The following SNCAIP variants were observed in gnomAD, a reference collection of about 807,000 sequenced individuals.
The protein encoded by SNCAIP is synuclein alpha interacting protein.
SNCAIP carries 43 observed loss-of-function variants against 86.7 expected under a neutral mutation model. The ratio of observed to expected loss-of-function variants is 0.50; its 90% CI spans 0.39 to 0.64. The LOEUF is 0.64. Among genes scored for constraint, SNCAIP ranks in the 30% least tolerant of loss-of-function variants. The probability of loss-of-function intolerance (pLI) is 0.00; values close to 1 mark genes in which losing one functional copy is unlikely to be tolerated. For synonymous variants in SNCAIP, 417 were observed against 427.2 expected (o/e 0.98, Z 0.29); for missense variants, 981 against 1,103.1 (o/e 0.89, Z 1.57).
chr5:122,442,451 A>T (rs1781251078), intron 7 of SNCAIP, among the ~76,000 whole-genome samples: 2 of 152,212 alleles, frequency 1.3e-5, no homozygotes, highest in Non-Finnish European at 2.9e-5. Flanking sequence ...CGGAGAGCTG[A>T]AAGTTTTTCT....
chr5:122,313,949 T>C (rs931120651), intron 1 of SNCAIP, among the ~76,000 whole-genome samples: 1 of 152,234 alleles, frequency 6.6e-6, no homozygotes, highest in Non-Finnish European at 1.5e-5. Context: ...GGGTATAATT[T>C]TGAATGTAAA....
chr5:122,311,990 G>A (rs1214396523), upstream of SNCAIP: 1 of 147,992 alleles, frequency 6.8e-6, no homozygotes, highest in Non-Finnish European at 1.5e-5. Flanking sequence ...AGCCTCCGCA[G>A]TGGCAGTGGT....
intron 1 of SNCAIP, among the ~76,000 whole-genome samples, chr5:122,350,252 A>G (rs1759484069): frequency 6.6e-6 from 1 of 152,196 alleles, no homozygotes; most frequent in East Asian, 1.9e-4. Flanking sequence ...TGATCTTTAT[A>G]TTCAGAGGAA....
chr5:122,418,537 A>T lies in SNCAIP; in HGVS notation c.131-4331A>T, dbSNP rs148445789. On this transcript the variant is annotated intron_variant, in intron 3 of 10. Transcript: ENST00000261368. ...TTAAAATGAATGTGATAAATTGAAC[A>T]TAAAACATTCCTTTCATTATTTGCT... Among the ~76,000 whole-genome samples, 9 of 152,368 alleles carry T rather than the reference A, an allele frequency of 5.9e-5. No individual in the cohort carries two copies. In the East Asian group the frequency reaches 1.7e-3, roughly 29 times the overall value.
intron 1 of SNCAIP, among the ~76,000 whole-genome samples, chr5:122,363,758 G>A (rs934997430): frequency 6.6e-6 from 1 of 150,412 alleles, no homozygotes; most frequent in Non-Finnish European, 1.5e-5. Context: ...TACATTTAAT[G>A]CATCTGAAAA....
intron 2 of SNCAIP, among the ~76,000 whole-genome samples, chr5:122,399,119 T>G (rs1188012802): frequency 6.6e-6 from 1 of 152,108 alleles, no homozygotes; most frequent in Non-Finnish European, 1.5e-5. Context: ...GCTCGACCCC[T>G]CTCTTCCCGC....
chr5:122,440,328 G>C (rs1021737606), intron 6 of SNCAIP: 1 of 387,890 alleles, frequency 2.6e-6, no homozygotes, highest in African/African-American at 2.1e-5. Flanking sequence ...CTAGCTGTGT[G>C]CCTTGGATGA....
At chr5:122,375,887 A>G (rs1765209061) in intron 1 of SNCAIP, among the ~76,000 whole-genome samples, 1 of 152,152 alleles carries the variant, frequency 6.6e-6, no homozygotes, top group Non-Finnish European at 1.5e-5. Context: ...ACATCTGGAT[A>G]GATGTGGCAT....
chr5:122,313,021 G>C (rs2152635045), intron 1 of SNCAIP: 1 of 152,358 alleles, frequency 6.6e-6, no homozygotes, highest in South Asian at 2.1e-4. Flanking sequence ...GCCATTACTG[G>C]CAGCCATACA....
chr5:122,411,263 G>A (rs1774061924), intron 3 of SNCAIP, among the ~76,000 whole-genome samples: 3 of 152,110 alleles, frequency 2.0e-5, no homozygotes, highest in Non-Finnish European at 2.9e-5. Flanking sequence ...ATGGATACAC[G>A]GCCAAGTCCC....
chr5:122,362,899 T>C (rs1384858869), intron 1 of SNCAIP, among the ~76,000 whole-genome samples: 2 of 151,972 alleles, frequency 1.3e-5, no homozygotes, highest in Non-Finnish European at 2.9e-5. Flanking sequence ...GGGGCTTAAG[T>C]CCCAGACAAA....
chr5:122,450,439 T>G, intron 9 of SNCAIP, 94 bp from the exon 10 acceptor site: 1 of 861,976 alleles, frequency 1.2e-6, no homozygotes, highest in Non-Finnish European at 2.0e-6. Context: ...CTTATTTACT[T>G]ATACATTATT....
At chr5:122,345,300 C>T (rs940207451) in intron 1 of SNCAIP, among the ~76,000 whole-genome samples, 2 of 152,250 alleles carry the variant, frequency 1.3e-5, no homozygotes, top group Non-Finnish European at 1.5e-5. Flanking sequence ...GAACCTATTT[C>T]TTACTTTTAA....
intron 3 of SNCAIP, among the ~76,000 whole-genome samples, chr5:122,419,972 C>G (rs1485781465): frequency 6.6e-6 from 1 of 152,122 alleles, no homozygotes; most frequent in Non-Finnish European, 1.5e-5. Context: ...GTATATAGCA[C>G]AAAGTTGCCC....
chr5:122,322,619 G>C (rs1753183924), intron 1 of SNCAIP, among the ~76,000 whole-genome samples: 1 of 152,158 alleles, frequency 6.6e-6, no homozygotes, highest in African/African-American at 2.4e-5. Context: ...AAATCCTGCT[G>C]TCACACACTA....
intron 3 of SNCAIP, among the ~76,000 whole-genome samples, chr5:122,409,718 A>G (rs1443883008): frequency 2.0e-5 from 3 of 152,358 alleles, no homozygotes; most frequent in Middle Eastern, 3.4e-3. Flanking sequence ...ACCTACAAAG[A>G]TAAAATATGT....
intron 6 of SNCAIP, among the ~76,000 whole-genome samples, chr5:122,435,903 T>C (rs1441015715): frequency 6.6e-6 from 1 of 152,166 alleles, no homozygotes; most frequent in East Asian, 1.9e-4. Context: ...GAAGAGTCTT[T>C]GATTAGCACA....
intron 1 of SNCAIP, among the ~76,000 whole-genome samples, chr5:122,371,179 C>G (rs1764190671): frequency 6.6e-6 from 1 of 151,872 alleles, no homozygotes; most frequent in South Asian, 2.1e-4. Context: ...GCTGAACATG[C>G]TCCTGTAGTC....
intron 2 of SNCAIP, among the ~76,000 whole-genome samples, chr5:122,395,064 A>C (rs991805354): frequency 1.3e-5 from 2 of 152,132 alleles, no homozygotes; most frequent in Admixed American, 6.6e-5. Context: ...ACTCATCACT[A>C]TCCCTGATTG....
Sources: allele counts gnomAD v4.1 joint callset (sites outside exome capture counted in the v4.1 genomes callset), GRCh38; gene constraint gnomAD v4.1.1; transcripts MANE v1.5; gene names NCBI Gene and HGNC (gene_info 2026-07-23, HGNC 2026-07-21).